Variants in INPP4A observed in about 807,000 individuals in gnomAD.
INPP4A encodes inositol polyphosphate-4-phosphatase, type I, 107kD.
Under a neutral mutation model 119.8 loss-of-function variants are expected in INPP4A, and 33 were observed. The ratio of observed to expected loss-of-function variants is 0.28; its 90% CI spans 0.21 to 0.37. INPP4A has a LOEUF of 0.37. Among genes scored for constraint, INPP4A ranks in the 10% least tolerant of loss-of-function variants. The probability of loss-of-function intolerance (pLI) is 1.00; values close to 1 mark genes in which losing one functional copy is unlikely to be tolerated. For missense variants in INPP4A, 956 were observed against 1,289.9 expected (o/e 0.74, Z 3.97); for synonymous variants, 496 against 500.7 (o/e 0.99, Z 0.12).
chr2:98,585,594 A>C (rs1699861089), intron 24 of INPP4A, among the ~76,000 whole-genome samples: 2 of 152,204 alleles, frequency 1.3e-5, no homozygotes, highest in African/African-American at 4.8e-5. Flanking sequence ...CCACCTCTGC[A>C]TGCCTCGCCC....
At chr2:98,549,118 C>A in intron 13 of INPP4A, 1 of 644,694 alleles carries the variant, frequency 1.6e-6, no homozygotes, top group South Asian at 2.1e-5. Flanking sequence ...GTCCTCCCTT[C>A]CAACTGCAAT....
intron 1 of INPP4A, among the ~76,000 whole-genome samples, chr2:98,502,265 A>G (rs1204731913): frequency 1.3e-5 from 2 of 152,226 alleles, no homozygotes; most frequent in African/African-American, 4.8e-5. Flanking sequence ...GTTTGCATGT[A>G]CAGAGGCAGG....
intron 1 of INPP4A, among the ~76,000 whole-genome samples, chr2:98,479,307 G>A (rs1677921726): frequency 6.6e-6 from 1 of 152,170 alleles, no homozygotes; most frequent in Non-Finnish European, 1.5e-5. Context: ...CCTTGGGTGG[G>A]AACTTCTCCT....
intron 17 of INPP4A, among the ~76,000 whole-genome samples, chr2:98,562,101 C>T (rs1228905647): frequency 1.3e-5 from 2 of 152,220 alleles, no homozygotes; most frequent in African/African-American, 2.4e-5. Context: ...ACATTTTCCA[C>T]CTCTCAGTTC....
intron 1 of INPP4A, among the ~76,000 whole-genome samples, chr2:98,502,975 A>G (rs1239986526): frequency 1.3e-5 from 2 of 152,342 alleles, no homozygotes; most frequent in East Asian, 3.9e-4. Flanking sequence ...TGGACGGACT[A>G]GGTTTAGTTG....
At chr2:98,560,731 G>T (rs570506370) in intron 17 of INPP4A, among the ~76,000 whole-genome samples, 1 of 152,310 alleles carries the variant, frequency 6.6e-6, no homozygotes, top group Admixed American at 6.5e-5. Flanking sequence ...GCTGGCTGTC[G>T]CCTGAGCCTC....
At chr2:98,525,654 TA>T (rs1688055867) in intron 4 of INPP4A, among the ~76,000 whole-genome samples, 1 of 151,996 alleles carries the variant, frequency 6.6e-6, no homozygotes, top group African/African-American at 2.4e-5. Context: ...AAAGGACAAA[TA>T]AATAGTAAAC....
At chr2:98,518,057 A>G (rs563938371) in intron 1 of INPP4A, among the ~76,000 whole-genome samples, 4 of 152,356 alleles carry the variant, frequency 2.6e-5, no homozygotes, top group East Asian at 3.9e-4. Flanking sequence ...TTCCTCATTT[A>G]TAAATTCCTA....
chr2:98,473,720 G>C (rs916091535), intron 1 of INPP4A, among the ~76,000 whole-genome samples: 2 of 152,076 alleles, frequency 1.3e-5, no homozygotes, highest in African/African-American at 4.8e-5. Flanking sequence ...TGGCACCCAG[G>C]GTCACACAGC....
intron 23 of INPP4A, among the ~76,000 whole-genome samples, chr2:98,576,077 A>C (rs889360560): frequency 1.3e-5 from 2 of 152,242 alleles, no homozygotes; most frequent in African/African-American, 4.8e-5. Context: ...TTATTGCCAC[A>C]CTGAAAAGTA....
At position 98,559,476 on chromosome 2, in the gene INPP4A, T is replaced by A. The variant is rs1695071380; in HGVS notation, c.1836T>A (p.Pro612=). The A allele has an allele frequency of 1.2e-6, 2 of 1,614,010 alleles. No homozygotes were observed. Among genetic ancestry groups the A allele is most frequent in the Admixed American group, 1.7e-5 (1 of 60,020 alleles). ...HPHLTTHCSP[P]PEESSPGEWS... The stretch of plus-strand genomic sequence containing the variant: ...ATTTCTGTGCAGATTGCAGTCCCCC[T>A]CCTGAAGAGTCCAGCCCAGGTACGT... Residue 612 remains proline (P), a synonymous_variant, in exon 17 of 25, where the codon CCT becomes CCA. Coordinates refer to ENST00000409851, the MANE Select transcript of INPP4A (RefSeq NM_001134225.2).
chr2:98,490,614 C>T (rs931863301), intron 1 of INPP4A, among the ~76,000 whole-genome samples: 2 of 152,184 alleles, frequency 1.3e-5, no homozygotes, highest in Admixed American at 1.3e-4. Context: ...CTGGTTTAGT[C>T]CTGACCCCTT....
chr2:98,516,462 A>T (rs906551844), intron 1 of INPP4A, among the ~76,000 whole-genome samples: 2 of 151,994 alleles, frequency 1.3e-5, no homozygotes, highest in African/African-American at 4.8e-5. Flanking sequence ...GTGGGCAGGG[A>T]CCCTGCAGGG....
intron 24 of INPP4A, among the ~76,000 whole-genome samples, chr2:98,582,173 C>T (rs1699404482): frequency 6.6e-6 from 1 of 152,218 alleles, no homozygotes; most frequent in Non-Finnish European, 1.5e-5. Context: ...ACTGCTAACC[C>T]TTCCTTTCCT....
chr2:98,477,793 G>A (rs1038072140), intron 1 of INPP4A, among the ~76,000 whole-genome samples: 11 of 152,334 alleles, frequency 7.2e-5, no homozygotes, highest in African/African-American at 2.2e-4. Flanking sequence ...GGAGACAGCG[G>A]TTGGATGAGG....
chr2:98,542,729 G>A (rs1392191835), intron 10 of INPP4A, among the ~76,000 whole-genome samples: 1 of 151,756 alleles, frequency 6.6e-6, no homozygotes, highest in East Asian at 1.9e-4. Context: ...CTGAGCTAAG[G>A]AATTTATATT....
intron 1 of INPP4A, among the ~76,000 whole-genome samples, chr2:98,468,429 G>A (rs888201693): frequency 6.6e-6 from 1 of 151,948 alleles, no homozygotes; most frequent in African/African-American, 2.4e-5. Flanking sequence ...GTAGGGATGG[G>A]GGTCTTGCTT....
At chr2:98,568,766 C>G in intron 22 of INPP4A, 98 bp downstream of exon 22, 1 of 714,200 alleles carries the variant, frequency 1.4e-6, no homozygotes, top group Non-Finnish European at 2.6e-6. Context: ...GAGTGCATGC[C>G]TGTGCATGTG....
At chr2:98,498,651 T>G (rs1446771782) in intron 1 of INPP4A, among the ~76,000 whole-genome samples, 3 of 152,166 alleles carry the variant, frequency 2.0e-5, no homozygotes, top group Non-Finnish European at 4.4e-5. Flanking sequence ...GACTGAATTG[T>G]GTCTCTCCTT....
Sources: allele counts gnomAD v4.1 joint callset (sites outside exome capture counted in the v4.1 genomes callset), GRCh38; gene constraint gnomAD v4.1.1; transcripts MANE v1.5; gene names NCBI Gene and HGNC (gene_info 2026-07-23, HGNC 2026-07-21).